ATP8B4: variants seen among roughly 807,000 people sequenced by gnomAD.
ATP8B4 encodes ATPase phospholipid transporting 8B4 (putative).
ATP8B4 carries 133 observed loss-of-function variants against 145.6 expected under a neutral mutation model. That is an observed-to-expected ratio of 0.91 (90% confidence interval 0.79 to 1.05). The LOEUF (loss-of-function observed/expected upper bound fraction) is 1.05. ATP8B4 is among the 50% of genes least tolerant of loss of function. The probability of loss-of-function intolerance (pLI) is 0.00; values close to 1 mark genes in which losing one functional copy is unlikely to be tolerated. For missense variants in ATP8B4, 1,458 were observed against 1,425.2 expected (o/e 1.02, Z -0.37); for synonymous variants, 507 against 492.9 (o/e 1.03, Z -0.38).
intron 20 of ATP8B4, among the ~76,000 whole-genome samples, chr15:49,911,611 T>C (rs2039237191): frequency 6.6e-6 from 1 of 152,134 alleles, no homozygotes; most frequent in Non-Finnish European, 1.5e-5. Flanking sequence ...CAGTACATTC[T>C]CAGCATTAAA....
At chr15:49,893,841 C>A (rs1005288107) in intron 23 of ATP8B4, among the ~76,000 whole-genome samples, 2 of 152,158 alleles carry the variant, frequency 1.3e-5, no homozygotes, top group African/African-American at 4.8e-5. Flanking sequence ...GTAAAACCTA[C>A]TTCATATGGT....
chr15:50,039,700 C>G (rs1242040588), intron 5 of ATP8B4, among the ~76,000 whole-genome samples: 1 of 152,062 alleles, frequency 6.6e-6, no homozygotes, highest in Non-Finnish European at 1.5e-5. Flanking sequence ...ATTTCATAGA[C>G]TTTAATCATC....
chr15:50,069,595 C>T lies in ATP8B4; in HGVS notation c.87+4532G>A, dbSNP rs538753106. 2.6e-5 allele frequency among the ~76,000 whole-genome samples: 4 copies of T among 152,262 alleles called. No homozygotes were observed. In the East Asian group the frequency reaches 7.7e-4, roughly 29 times the overall value. The stretch of plus-strand genomic sequence containing the variant: ...TAAAATTGTGTATCTCCTTTATCTA[C>T]TTTTGTCTTTAGAATATAAGAACTT... On this transcript the variant is annotated intron_variant, in intron 3 of 27. Transcript: ENST00000284509.
intron 6 of ATP8B4, among the ~76,000 whole-genome samples, chr15:50,020,570 C>A (rs1352063456): frequency 6.6e-6 from 1 of 152,124 alleles, no homozygotes; most frequent in African/African-American, 2.4e-5. Flanking sequence ...TCAGCCCACA[C>A]CTCTCCCCTA....
chr15:50,078,659 G>A (rs537610216), intron 2 of ATP8B4, among the ~76,000 whole-genome samples: 13 of 151,934 alleles, frequency 8.6e-5, no homozygotes, highest in Admixed American at 7.2e-4. Context: ...CAAAGTGAAA[G>A]GGCCACCAAG....
At chr15:50,141,534 T>G (rs2044209747) in intron 1 of ATP8B4, among the ~76,000 whole-genome samples, 1 of 152,118 alleles carries the variant, frequency 6.6e-6, no homozygotes, top group African/African-American at 2.4e-5. Flanking sequence ...GGCATTTCAC[T>G]CACCAAGAGA....
chr15:49,985,126 T>C (rs2046479562), intron 10 of ATP8B4, among the ~76,000 whole-genome samples: 1 of 151,474 alleles, frequency 6.6e-6, no homozygotes, highest in Non-Finnish European at 1.5e-5. Context: ...AGATGGAGTC[T>C]CGTTCTGTCA....
intron 1 of ATP8B4, among the ~76,000 whole-genome samples, chr15:50,144,473 C>T (rs1257465798): frequency 6.6e-6 from 1 of 152,132 alleles, no homozygotes; most frequent in Admixed American, 6.6e-5. Context: ...GGAAGCAAGG[C>T]ACATCTTACG....
At chr15:50,005,311 A>C (rs2048216490) in intron 7 of ATP8B4, among the ~76,000 whole-genome samples, 1 of 152,218 alleles carries the variant, frequency 6.6e-6, no homozygotes, top group Non-Finnish European at 1.5e-5. Flanking sequence ...AGAGCCAAAG[A>C]CATTGTCCTC....
At chr15:50,062,211 G>A (rs2053076307) in intron 3 of ATP8B4, among the ~76,000 whole-genome samples, 1 of 152,194 alleles carries the variant, frequency 6.6e-6, no homozygotes, top group Non-Finnish European at 1.5e-5. Context: ...ATTGGATCAT[G>A]AGGGCAGTTT....
At chr15:49,935,851 T>C (rs1328219543) in intron 14 of ATP8B4, among the ~76,000 whole-genome samples, 1 of 152,202 alleles carries the variant, frequency 6.6e-6, no homozygotes, top group Non-Finnish European at 1.5e-5. Flanking sequence ...ATTTCCTTAA[T>C]GATTATTTCT....
chr15:50,114,103 C>CTTTCTTTTTTTTT (rs1555494034), intron 1 of ATP8B4, among the ~76,000 whole-genome samples: 4 of 55,636 alleles, frequency 7.2e-5, no homozygotes, highest in African/African-American at 1.3e-4. Context: ...CTCCTAGTTT[C>CTTTCTTTTTTTTT]TTTTTTTTTT....
intron 14 of ATP8B4, among the ~76,000 whole-genome samples, chr15:49,958,169 A>G (rs2043749188): frequency 6.6e-6 from 1 of 151,548 alleles, no homozygotes; most frequent in Non-Finnish European, 1.5e-5. Context: ...GTTCAATTTG[A>G]ACTCACTGAT....
chr15:49,860,095 T>G lies in ATP8B4; in HGVS notation c.*99A>C. 7.1e-7 allele frequency: 1 copy of G among 1,405,898 alleles called. No individual in the cohort carries two copies. The highest frequency in any genetic ancestry group is 9.6e-7 in the Non-Finnish European group (1 of 1,038,552). The allele number at this position is 1,405,898 out of a possible 1,614,324, so 87.1% of individuals were successfully genotyped here. A position where few individuals can be genotyped will look rare whatever the true frequency, so the allele number is the denominator to read the frequency against. Reference sequence around the variant, plus strand: ...TTTAAGTTAAGTGAGGCAATCTGCCTGCCCCACCTCTTGCCTCAAATCTCA... The same window carrying G: ...TTTAAGTTAAGTGAGGCAATCTGCCGGCCCCACCTCTTGCCTCAAATCTCA... On this transcript the variant is annotated 3_prime_UTR_variant, in exon 28 of 28. Transcript: ENST00000284509.
intron 8 of ATP8B4, 82 bp downstream of exon 8, chr15:50,002,071 A>C (rs1321316940): frequency 8.5e-7 from 1 of 1,173,506 alleles, no homozygotes; most frequent in East Asian, 2.6e-5. Flanking sequence ...AAGATACTGA[A>C]CAAGGTTAAG....
chr15:49,874,848 T>C (rs1301468523), intron 25 of ATP8B4, among the ~76,000 whole-genome samples: 1 of 152,154 alleles, frequency 6.6e-6, no homozygotes, highest in Non-Finnish European at 1.5e-5. Context: ...AGTAGAAATG[T>C]GATTTCAACA....
chr15:49,887,678 G>T (rs1598924718), intron 23 of ATP8B4, among the ~76,000 whole-genome samples: 1 of 151,184 alleles, frequency 6.6e-6, no homozygotes, highest in Admixed American at 6.6e-5. Context: ...AAAAAAAACA[G>T]GGAGGAGAGT....
intron 6 of ATP8B4, among the ~76,000 whole-genome samples, chr15:50,031,241 A>G (rs2050414250): frequency 1.3e-5 from 2 of 152,196 alleles, no homozygotes; most frequent in African/African-American, 2.4e-5. Flanking sequence ...TTTTAAAAAA[A>G]GAATCAAGTT....
intron 1 of ATP8B4, among the ~76,000 whole-genome samples, chr15:50,136,175 G>C (rs1378476131): frequency 6.6e-6 from 1 of 152,086 alleles, no homozygotes; most frequent in African/African-American, 2.4e-5. Flanking sequence ...GATTTATGAG[G>C]GCCGTGTGTC....
Sources: gnomAD v4.1 joint callset for allele counts (sites outside exome capture counted in the v4.1 genomes callset) on GRCh38, gnomAD v4.1.1 for gene constraint, MANE v1.5 for transcripts, NCBI Gene and HGNC (gene_info 2026-07-23, HGNC 2026-07-21) for gene names.